Variants in ARMC2 observed in about 807,000 individuals in gnomAD.
ARMC2 encodes armadillo repeat containing 2, also known as armadillo repeat-containing protein 2.
In ARMC2, 67 loss-of-function variants were observed where a neutral mutation model predicts 90.3. The observed-to-expected ratio is 0.74, with a 90% CI of 0.61 to 0.91. The LOEUF (loss-of-function observed/expected upper bound fraction) is 0.91. Ranked by LOEUF, ARMC2 falls within the 40% of genes least tolerant of loss-of-function variation. ARMC2 has a pLI of 0.00. For synonymous variants in ARMC2, 393 were observed against 393.0 expected (o/e 1.00, Z 0.00); for missense variants, 920 against 1,030.9 (o/e 0.89, Z 1.47).
chr6:109,047,615 C>A, the ARMC2 span, among the ~76,000 whole-genome samples: 35 of 132,494 alleles, frequency 2.6e-4, no homozygotes, highest in South Asian at 8.2e-4. Flanking sequence ...TCATTGAGAA[C>A]GGGCCAGGAT....
intron 6 of ARMC2, among the ~76,000 whole-genome samples, chr6:108,895,534 C>G (rs886310762): frequency 2.1e-5 from 3 of 144,290 alleles, no homozygotes; most frequent in Admixed American, 6.9e-5. Flanking sequence ...ACTATATTAA[C>G]TTTATTAAGA....
intron 16 of ARMC2, among the ~76,000 whole-genome samples, chr6:108,964,539 C>T (rs376806652): frequency 1.1e-4 from 16 of 152,106 alleles, no homozygotes; most frequent in African/African-American, 3.4e-4. Flanking sequence ...TTTGGGAGGC[C>T]GAGGTGGGCA....
chr6:109,028,154 C>T, the ARMC2 span, among the ~76,000 whole-genome samples: 4 of 120,842 alleles, frequency 3.3e-5, no homozygotes, highest in African/African-American at 1.1e-4. Flanking sequence ...ACTTTTTTTC[C>T]CCATCTGTTT....
intron 6 of ARMC2, among the ~76,000 whole-genome samples, chr6:108,896,438 A>G (rs903518051): frequency 7.2e-5 from 11 of 152,196 alleles, no homozygotes; most frequent in African/African-American, 2.7e-4. Flanking sequence ...AAAAGCAATT[A>G]TATGATTCCA....
chr6:108,998,854 A>T, the ARMC2 span: 6 of 1,356,532 alleles, frequency 4.4e-6, no homozygotes, highest in African/African-American at 7.3e-5. Context: ...ATGAGTCATC[A>T]TACAAAGCCT....
intron 12 of ARMC2, among the ~76,000 whole-genome samples, chr6:108,941,141 T>C (rs1247146255): frequency 6.6e-6 from 1 of 152,190 alleles, no homozygotes; most frequent in Non-Finnish European, 1.5e-5. Flanking sequence ...AAAATAAAAT[T>C]GAATATGAAC....
intron 12 of ARMC2, among the ~76,000 whole-genome samples, chr6:108,938,928 C>G (rs976190818): frequency 1.3e-5 from 2 of 152,086 alleles, no homozygotes; most frequent in Non-Finnish European, 2.9e-5. Flanking sequence ...CTAGAGATAT[C>G]AGTATGGCTA....
chr6:108,885,491 C>T (rs536983784), intron 5 of ARMC2, among the ~76,000 whole-genome samples: 1 of 151,954 alleles, frequency 6.6e-6, no homozygotes, highest in Non-Finnish European at 1.5e-5. Flanking sequence ...GAATTCAAGA[C>T]CAGCATGCCC....
chr6:108,881,296 C>CCTTCCTTCCTT (rs1554239379), intron 5 of ARMC2, among the ~76,000 whole-genome samples: 1 of 78,176 alleles, frequency 1.3e-5, no homozygotes, highest in Admixed American at 1.5e-4. Flanking sequence ...CCCTCCCCTC[C>CCTTCCTTCCTT]CCTTCCTTCC....
In ARMC2 at chr6:108,848,434, G is replaced by A. The variant is rs1015947677; in HGVS notation, c.-156G>A. The A allele has an allele frequency of 5.3e-5, 8 of 152,282 alleles. No individual in the cohort carries two copies. The highest frequency in any genetic ancestry group is 1.2e-4 in the Non-Finnish European group (8 of 68,060). The allele number at this position is 152,282 out of a possible 1,614,324, so 9.4% of individuals were successfully genotyped here. On this transcript the variant is annotated 5_prime_UTR_variant, in exon 1 of 18. Coordinates refer to ENST00000392644, the MANE Select transcript of ARMC2 (RefSeq NM_032131.6). Reference sequence around the variant, plus strand: ...CCCGCGCAGGCCCAGTGGCCGAGCGGCGTCGTGGGGTTACCCCGCCCGCGC... The same window carrying A: ...CCCGCGCAGGCCCAGTGGCCGAGCGACGTCGTGGGGTTACCCCGCCCGCGC...
At chr6:108,979,596 C>T in the ARMC2 span, among the ~76,000 whole-genome samples, 15,280 of 152,044 alleles carry the variant, frequency 0.1, 915 homozygotes, top group Middle Eastern at 0.19. Flanking sequence ...TTTTCCAACT[C>T]GGTTCCATTT....
the ARMC2 span, among the ~76,000 whole-genome samples, chr6:109,012,302 G>C: frequency 6.6e-6 from 1 of 151,808 alleles, no homozygotes; most frequent in Non-Finnish European, 1.5e-5. Context: ...GAGTGCAGTG[G>C]TACGAACTTG....
At chr6:109,001,228 G>T in the ARMC2 span, 1 of 1,381,988 alleles carries the variant, frequency 7.2e-7, no homozygotes, top group Non-Finnish European at 1.0e-6. Flanking sequence ...AGCATTAACT[G>T]TCTCTTAAAG....
intron 17 of ARMC2, among the ~76,000 whole-genome samples, chr6:108,967,220 T>A (rs1157159493): frequency 1.3e-5 from 2 of 152,216 alleles, no homozygotes. Context: ...CTTTCCTATG[T>A]CACCCACTCC....
chr6:108,988,644 G>A, the ARMC2 span: 49 of 1,610,176 alleles, frequency 3.0e-5, 1 homozygote, highest in South Asian at 3.3e-5. Flanking sequence ...TTAAAGCTAC[G>A]ATCCAATAGC....
chr6:108,858,298 A>G, intron 3 of ARMC2, 27 bp downstream of exon 3: 1 of 1,547,576 alleles, frequency 6.5e-7, no homozygotes, highest in Admixed American at 1.7e-5. Context: ...ACCACCAGTA[A>G]TTTATATTAT....
At chr6:108,856,017 T>G (rs1324517316) in intron 2 of ARMC2, among the ~76,000 whole-genome samples, 1 of 152,240 alleles carries the variant, frequency 6.6e-6, no homozygotes, top group Non-Finnish European at 1.5e-5. Flanking sequence ...TCTTCTTCTC[T>G]TGATAGTGTC....
the ARMC2 span, among the ~76,000 whole-genome samples, chr6:108,982,808 TTTTC>T: frequency 1.2e-4 from 18 of 149,312 alleles, no homozygotes; most frequent in Non-Finnish European, 2.1e-4. Context: ...GTCTTTGGAC[TTTTC>T]TTTTTTTTTT....
chr6:108,927,147 A>G (rs548785851), intron 10 of ARMC2, among the ~76,000 whole-genome samples: 72 of 151,946 alleles, frequency 4.7e-4, no homozygotes, highest in Non-Finnish European at 8.4e-4. Context: ...GCTACACACA[A>G]CCCCCCGAGA....
Sources: gnomAD v4.1 joint callset for allele counts (sites outside exome capture counted in the v4.1 genomes callset) on GRCh38, gnomAD v4.1.1 for gene constraint, MANE v1.5 for transcripts, NCBI Gene and HGNC (gene_info 2026-07-23, HGNC 2026-07-21) for gene names.